NOL10: variants seen among roughly 807,000 people sequenced by gnomAD.
NOL10 encodes nucleolar protein 10.
NOL10 carries 58 observed loss-of-function variants against 103.5 expected under a neutral mutation model. That is an observed-to-expected ratio of 0.56 (90% confidence interval 0.45 to 0.70). The LOEUF (loss-of-function observed/expected upper bound fraction) is 0.70, where lower values mean the gene tolerates loss of function less well. Ranked by LOEUF, NOL10 falls within the 30% of genes least tolerant of loss-of-function variation. The pLI is 0.00. For missense variants in NOL10, 763 were observed against 807.3 expected, an observed-to-expected ratio of 0.95 and a Z score of 0.67; for synonymous variants, 287 against 282.5, an observed-to-expected ratio of 1.02 and a Z score of -0.16.
intron 13 of NOL10, among the ~76,000 whole-genome samples, chr2:10,643,495 C>T (rs56902481): frequency 0.21 from 32,578 of 151,962 alleles, 4,568 homozygotes; most frequent in East Asian, 0.44. Context: ...TATTTCCTTG[C>T]TTCATTTTTT....
At chr2:10,592,785 A>G (rs1461818713) in intron 17 of NOL10, among the ~76,000 whole-genome samples, 4 of 152,220 alleles carry the variant, frequency 2.6e-5, no homozygotes, top group Admixed American at 1.3e-4. Context: ...TGGATGAACA[A>G]CTATAAAATA....
At chr2:10,684,506 G>C in intron 2 of NOL10, 61 bp downstream of exon 2, 1 of 1,284,496 alleles carries the variant, frequency 7.8e-7, no homozygotes, top group Non-Finnish European at 1.1e-6. Context: ...AACAGCAAAT[G>C]AGTAAAAGCA....
At chr2:10,671,801 C>A in intron 5 of NOL10, 111 bp from the exon 6 acceptor site, 1 of 719,728 alleles carries the variant, frequency 1.4e-6, no homozygotes, top group South Asian at 1.9e-5. Context: ...CTCTCACTTT[C>A]TGTATCTAAA....
At chr2:10,613,085 T>A (rs1676655841) in intron 13 of NOL10, among the ~76,000 whole-genome samples, 1 of 151,622 alleles carries the variant, frequency 6.6e-6, no homozygotes. Flanking sequence ...CTAAGTAAAT[T>A]ATTTTAATTT....
Position 10,689,937 on chromosome 2 carries a change from G to C in NOL10, c.-76C>G, listed in dbSNP as rs557680628. 3 of 1,408,218 alleles carry C rather than the reference G, an allele frequency of 2.1e-6. No individual in the cohort carries two copies. Among genetic ancestry groups the C allele is most frequent in the Non-Finnish European group, 2.9e-6 (3 of 1,017,850 alleles). 87.2% of individuals were successfully genotyped at this position (1,408,218 alleles called of 1,614,324 possible). A position where few individuals can be genotyped will look rare whatever the true frequency, so the allele number is the denominator to read the frequency against. On this transcript the variant is annotated 5_prime_UTR_variant, in exon 1 of 21. Coordinates refer to ENST00000381685, the MANE Select transcript of NOL10 (RefSeq NM_024894.4). ...CGAGCACCGTAATCCCGGGACCTCC[G>C]AGCCCCTGCTCCGCGGCGTGCGGCC...
intron 13 of NOL10, among the ~76,000 whole-genome samples, chr2:10,623,340 C>G (rs964404613): frequency 6.6e-6 from 1 of 152,162 alleles, no homozygotes; most frequent in East Asian, 1.9e-4. Flanking sequence ...CCCAAACAGA[C>G]TGAACGGACC....
At chr2:10,656,346 A>G (rs1269391503) in intron 11 of NOL10, among the ~76,000 whole-genome samples, 1 of 152,232 alleles carries the variant, frequency 6.6e-6, no homozygotes, top group Non-Finnish European at 1.5e-5. Flanking sequence ...CAAAGCAGAC[A>G]GCATAGACAC....
chr2:10,628,594 A>G (rs763184362), intron 13 of NOL10, among the ~76,000 whole-genome samples: 2 of 152,168 alleles, frequency 1.3e-5, no homozygotes, highest in South Asian at 4.1e-4. Flanking sequence ...AGTCAAGCAG[A>G]TAAGACTAAA....
chr2:10,596,014 A>G (rs1431069095), intron 17 of NOL10, among the ~76,000 whole-genome samples: 1 of 152,186 alleles, frequency 6.6e-6, no homozygotes, highest in Non-Finnish European at 1.5e-5. Context: ...TTTAAAAATA[A>G]TATTTTGGAT....
Position 10,648,264 on chromosome 2 carries a change from A to G in NOL10, c.974-3892T>C, listed in dbSNP as rs1205210897. ...ACTCCAAAATGAGTAAGTGAAAAGA[A>G]AAAAGAAAGACAGTTTCAGCTTTTC... is the stretch of plus-strand genomic sequence containing the variant. On this transcript the variant is annotated intron_variant, in intron 12 of 20. Transcript: ENST00000381685. 2.0e-5 allele frequency among the ~76,000 whole-genome samples: 3 copies of G among 152,338 alleles called. No homozygotes were observed. The East Asian group carries it at 5.8e-4, about 29-fold the overall frequency.
chr2:10,679,906 C>A (rs948048869), intron 3 of NOL10, among the ~76,000 whole-genome samples: 3 of 151,932 alleles, frequency 2.0e-5, no homozygotes, highest in Non-Finnish European at 4.4e-5. Context: ...CAGGTGTGAG[C>A]CACCCCGCCC....
At chr2:10,595,900 TTG>T (rs1329019688) in intron 17 of NOL10, among the ~76,000 whole-genome samples, 2 of 132,000 alleles carry the variant, frequency 1.5e-5, no homozygotes, top group East Asian at 4.0e-4. Context: ...CCCATAATGT[TTG>T]TGTTAGGCAC....
intron 20 of NOL10, 21 bp downstream of exon 20, chr2:10,577,615 T>G (rs752563225): frequency 6.4e-7 from 1 of 1,554,286 alleles, no homozygotes; most frequent in East Asian, 2.3e-5. Context: ...AATTAAAAAA[T>G]AACAATAAAA....
At chr2:10,645,955 A>ACACACT (rs1178697716) in intron 12 of NOL10, among the ~76,000 whole-genome samples, 14 of 151,644 alleles carry the variant, frequency 9.2e-5, no homozygotes, top group Admixed American at 9.2e-4. Context: ...ACACACACAC[A>ACACACT]CACACACACA....
chr2:10,668,694 T>C lies in NOL10; in HGVS notation c.494A>G (p.Gln165Arg), dbSNP rs768863320. 40 of 1,545,824 alleles carry C rather than the reference T, an allele frequency of 2.6e-5. 1 individual carries two copies. The South Asian group carries it at 4.8e-4, about 19-fold the overall frequency. ...TTGTAGAGGATTCAGGTATCGTCCTTGTTCTAAGTTTAACCTATAAACTTC... is the reference window on the plus strand; with the variant it reads ...TTGTAGAGGATTCAGGTATCGTCCTCGTTCTAAGTTTAACCTATAAACTTC... Reference protein sequence around the residue: ...SSEVYRLNLEQGRYLNPLQTD... With the variant: ...SSEVYRLNLERGRYLNPLQTD... Residue 165 changes from glutamine to arginine, a missense_variant, in exon 7 of 21, where the codon CAA becomes CGA. By Grantham distance (43) the Gln-to-Arg change is conservative (BLOSUM62 1). Coordinates refer to ENST00000381685, the MANE Select transcript of NOL10 (RefSeq NM_024894.4).
Position 10,644,373 on chromosome 2 carries a change from C to T in NOL10, c.974-1G>A. On this transcript the variant is annotated splice_acceptor_variant, in intron 12 of 20. Transcript: ENST00000381685. LOFTEE classifies it high-confidence loss of function. ...GTTTCATTGGCCGTCAGAAGCATGC[C>T]TAAAAATAAATACAATGAAAAAGGT... 1.3e-6 allele frequency: 2 copies of T among 1,532,256 alleles called. No homozygotes were observed. Among genetic ancestry groups the T allele is most frequent in the South Asian group, 2.5e-5 (2 of 80,482 alleles). The allele number at this position is 1,532,256 out of a possible 1,614,324, so 94.9% of individuals were successfully genotyped here.
chr2:10,603,911 A>T (rs2148188114), intron 14 of NOL10, among the ~76,000 whole-genome samples: 1 of 152,380 alleles, frequency 6.6e-6, no homozygotes, highest in East Asian at 1.9e-4. Context: ...ATGTACTCAC[A>T]TGCAGAACAT....
intron 9 of NOL10, 134 bp downstream of exon 9, chr2:10,662,825 A>C (rs1680293632): frequency 1.4e-6 from 1 of 697,738 alleles, no homozygotes; most frequent in South Asian, 1.9e-5. Flanking sequence ...TTTACAGGAG[A>C]GGATCTTTAT....
chr2:10,651,967 C>T lies in NOL10; in HGVS notation c.973+2514G>A, dbSNP rs554816151. ...ATTAGAAACAGCATGGGCAGCTGGG[C>T]GCAGTGGCTCACGCCTGTAATCCCA... On this transcript the variant is annotated intron_variant, in intron 12 of 20. Coordinates refer to ENST00000381685, the MANE Select transcript of NOL10 (RefSeq NM_024894.4). 1.3e-4 allele frequency among the ~76,000 whole-genome samples: 20 copies of T among 152,180 alleles called. No homozygotes were observed. In the East Asian group the frequency reaches 1.4e-3, roughly 10 times the overall value.
Sources: allele counts gnomAD v4.1 joint callset (sites outside exome capture counted in the v4.1 genomes callset), GRCh38; gene constraint gnomAD v4.1.1; transcripts MANE v1.5; gene names NCBI Gene and HGNC (gene_info 2026-07-23, HGNC 2026-07-21).